The following PHLDB2 variants were observed in gnomAD, a reference collection of about 807,000 sequenced individuals.
PHLDB2 encodes the protein pleckstrin homology like domain family B member 2, also known as pleckstrin homology-like domain family B member 2.
Under a neutral mutation model 123.6 loss-of-function variants are expected in PHLDB2, and 71 were observed. That is an observed-to-expected ratio of 0.57 (90% confidence interval 0.47 to 0.70). PHLDB2 has a LOEUF of 0.70. Among genes scored for constraint, PHLDB2 ranks in the 30% least tolerant of loss-of-function variants. The pLI is 0.00. For synonymous variants in PHLDB2, 547 were observed against 541.6 expected (o/e 1.01, Z -0.14); for missense variants, 1,446 against 1,519.5 (o/e 0.95, Z 0.80).
chr3:111,888,808 A>C (rs7642148), intron 2 of PHLDB2, among the ~76,000 whole-genome samples: 17,497 of 152,170 alleles, frequency 0.11, 1,128 homozygotes, highest in East Asian at 0.16. Context: ...AACTTTGCCA[A>C]ATTTTTAAAA....
chr3:111,969,230 C>A (rs371897413), intron 15 of PHLDB2, among the ~76,000 whole-genome samples: 9 of 152,196 alleles, frequency 5.9e-5, no homozygotes, highest in African/African-American at 1.7e-4. Context: ...CTGTGGGGGC[C>A]GTACTTACTA....
chr3:111,733,732 C>T (rs1513332), intron 1 of PHLDB2, among the ~76,000 whole-genome samples: 148,053 of 152,242 alleles, frequency 0.97, 72,013 homozygotes, highest in East Asian at 1. Flanking sequence ...AGTCTACACA[C>T]TCTAGAAATA....
chr3:111,908,142 CTTATACCCTAAGA>C (rs1436795203), intron 2 of PHLDB2, among the ~76,000 whole-genome samples: 6 of 152,286 alleles, frequency 3.9e-5, no homozygotes, highest in African/African-American at 1.4e-4. Flanking sequence ...GAGTGGCCAG[CTTATACCCTAAGA>C]TTATCACATG....
chr3:111,852,662 C>T lies in PHLDB2; in HGVS notation c.67+6727C>T, dbSNP rs140119564. On this transcript the variant is annotated intron_variant, in intron 2 of 17. Coordinates refer to the PHLDB2 transcript ENST00000393923. ...ATACAGAGAAACTCCTTGTTTTAAG[C>T]CCACTACGCAGGCAAAGTAGACCAA... 2.3e-3 allele frequency among the ~76,000 whole-genome samples: 343 copies of T among 151,984 alleles called. 2 individuals carry two copies. The highest frequency in any genetic ancestry group is 7.9e-3 in the African/African-American group (327 of 41,426).
chr3:111,919,297 A>G, intron 4 of PHLDB2, 82 bp downstream of exon 4: 1 of 1,427,168 alleles, frequency 7.0e-7, no homozygotes, highest in Non-Finnish European at 9.8e-7. Context: ...TAGGCTTTGG[A>G]GGCCAGATAC....
chr3:111,800,856 G>C (rs555635886), intron 1 of PHLDB2, among the ~76,000 whole-genome samples: 91 of 152,242 alleles, frequency 6.0e-4, no homozygotes, highest in African/African-American at 2.1e-3. Flanking sequence ...TACTAAATTT[G>C]GCTGGGGAAA....
In PHLDB2 at chr3:111,885,223, C is replaced by G; in HGVS notation, c.1146C>G (p.Asn382Lys). 3.1e-6 allele frequency: 5 copies of G among 1,614,148 alleles called. No individual in the cohort carries two copies. Among genetic ancestry groups the G allele is most frequent in the Non-Finnish European group, 3.4e-6 (4 of 1,180,032 alleles). Residue 382 changes from asparagine to lysine, a missense_variant, in exon 2 of 18, where the codon AAC becomes AAG. Around this residue, in one of 3 missense-constraint regions of PHLDB2, gnomAD observed 832 missense variants for 831.9 expected, o/e 1.00. Transcript: ENST00000431670. ...ESDRVFATRR[N>K]FSCGSVEFDE... ...ACAGAGTTTTTGCGACCAGGAGGAA[C>G]TTCTCTTGTGGATCTGTGGAATTTG...
chr3:111,942,885 A>G (rs1377903092), intron 8 of PHLDB2, among the ~76,000 whole-genome samples: 3 of 151,400 alleles, frequency 2.0e-5, no homozygotes, highest in African/African-American at 4.8e-5. Flanking sequence ...AGTGTCTTCA[A>G]ACGGAAACAC....
chr3:111,830,270 T>C (rs1309371109), intron 1 of PHLDB2, among the ~76,000 whole-genome samples: 2 of 152,122 alleles, frequency 1.3e-5, no homozygotes, highest in Non-Finnish European at 2.9e-5. Flanking sequence ...TTGCAATTGC[T>C]TGGAAGCATA....
intron 1 of PHLDB2, among the ~76,000 whole-genome samples, chr3:111,771,673 A>C (rs1210272342): frequency 6.6e-6 from 1 of 152,184 alleles, no homozygotes; most frequent in Non-Finnish European, 1.5e-5. Context: ...TTCTTCTGAC[A>C]TACACATATG....
chr3:111,917,465 G>A (rs2068246726), intron 3 of PHLDB2: 1 of 152,282 alleles, frequency 6.6e-6, no homozygotes, highest in South Asian at 2.1e-4. Flanking sequence ...TACCGCCCTT[G>A]GTGAGGCTTT....
intron 2 of PHLDB2, 54 bp from the exon 3 acceptor site, chr3:111,913,265 A>G (rs1229713778): frequency 4.0e-6 from 6 of 1,513,894 alleles, no homozygotes; most frequent in Non-Finnish European, 5.3e-6. Context: ...TTTTATTTGG[A>G]GTAGTATTCA....
intron 2 of PHLDB2, 122 bp from the exon 3 acceptor site, chr3:111,913,197 A>G (rs2067986020): frequency 2.8e-6 from 3 of 1,085,602 alleles, no homozygotes; most frequent in East Asian, 2.4e-5. Context: ...TCACCAGCCA[A>G]GTGTTTGTGG....
rs945563258 is a variant in PHLDB2 at position 111,895,104 on chromosome 3, A to G, written c.1335+9692A>G. Among the ~76,000 whole-genome samples the G allele has an allele frequency of 1.1e-4, 17 of 151,910 alleles. 1 individual carries two copies. Among genetic ancestry groups the G allele is most frequent in the African/African-American group, 4.1e-4 (17 of 41,362 alleles). On this transcript the variant is annotated intron_variant, in intron 2 of 17. Transcript: ENST00000431670. ...CCTTTTTTCTTTCTTCTTCACTTGG[A>G]GAGATGGGCAGAAAAGCAGTGAGAA...
At chr3:111,875,210 A>G (rs1324620386) in intron 1 of PHLDB2, among the ~76,000 whole-genome samples, 3 of 151,992 alleles carry the variant, frequency 2.0e-5, no homozygotes, top group African/African-American at 7.2e-5. Context: ...GTGCAATGGC[A>G]CAATCTCAGC....
At chr3:111,841,593 G>A (rs1160590294) in intron 1 of PHLDB2, among the ~76,000 whole-genome samples, 1 of 152,156 alleles carries the variant, frequency 6.6e-6, no homozygotes, top group Non-Finnish European at 1.5e-5. Flanking sequence ...AGAATAAAGA[G>A]ATGCGTTTTC....
intron 4 of PHLDB2, 72 bp downstream of exon 4, chr3:111,919,287 T>A: frequency 1.3e-6 from 2 of 1,513,704 alleles, no homozygotes; most frequent in Non-Finnish European, 1.8e-6. Context: ...TATTCAGGAA[T>A]AGGCTTTGGA....
chr3:111,929,220 C>T (rs746548380), intron 5 of PHLDB2, among the ~76,000 whole-genome samples: 3 of 152,162 alleles, frequency 2.0e-5, no homozygotes, highest in Non-Finnish European at 4.4e-5. Context: ...GAACTGTGAT[C>T]ATACCACTGC....
chr3:111,756,849 G>A (rs937570276), intron 1 of PHLDB2, among the ~76,000 whole-genome samples: 1 of 152,044 alleles, frequency 6.6e-6, no homozygotes, highest in African/African-American at 2.4e-5. Flanking sequence ...GCCTGGTGGT[G>A]ACAAAATCTC....
Sources: gnomAD v4.1 joint callset for allele counts (sites outside exome capture counted in the v4.1 genomes callset) on GRCh38, gnomAD v4.1.1 for gene constraint, gnomAD v4.1.1 regional missense constraint, MANE v1.5 for transcripts, NCBI Gene and HGNC (gene_info 2026-07-23, HGNC 2026-07-21) for gene names.